CLSTN2: variants seen among roughly 807,000 people sequenced by gnomAD.
CLSTN2 encodes the protein calsyntenin-2.
A neutral mutation model predicts 101.2 loss-of-function variants in CLSTN2; 48 were observed. That is an observed-to-expected ratio of 0.47 (90% CI 0.38 to 0.60). CLSTN2 has a LOEUF of 0.60. Ranked by LOEUF, CLSTN2 falls within the 20% of genes least tolerant of loss-of-function variation. The probability of loss-of-function intolerance (pLI) is 0.00; values close to 1 mark genes in which losing one functional copy is unlikely to be tolerated. For missense variants in CLSTN2, 1,160 were observed against 1,238.2 expected (o/e 0.94, Z 0.95); for synonymous variants, 481 against 463.6 (o/e 1.04, Z -0.48).
intron 6 of CLSTN2, among the ~76,000 whole-genome samples, chr3:140,448,971 A>T (rs1395772006): frequency 1.3e-5 from 2 of 152,174 alleles, no homozygotes; most frequent in African/African-American, 4.8e-5. Flanking sequence ...CTTCTTTGGT[A>T]AAACGGGAAT....
chr3:140,015,771 G>C (rs1473457574), intron 1 of CLSTN2, among the ~76,000 whole-genome samples: 1 of 152,260 alleles, frequency 6.6e-6, no homozygotes, highest in Non-Finnish European at 1.5e-5. Flanking sequence ...TAGAGCAGTT[G>C]CTCTTGTGAT....
intron 1 of CLSTN2, among the ~76,000 whole-genome samples, chr3:139,955,111 G>GATATATATATATATATATAT (rs1560052944): frequency 7.4e-5 from 1 of 13,494 alleles, no homozygotes; most frequent in Non-Finnish European, 1.6e-4. Context: ...TGGCAATATT[G>GATATATATATATATATATAT]CTATATATAT....
At chr3:140,472,880 T>G (rs2108025277) in intron 8 of CLSTN2, among the ~76,000 whole-genome samples, 1 of 152,330 alleles carries the variant, frequency 6.6e-6, no homozygotes, top group African/African-American at 2.4e-5. Flanking sequence ...TATTTCCCCA[T>G]GATATATATG....
intron 2 of CLSTN2, among the ~76,000 whole-genome samples, chr3:140,222,874 G>GGAAAA (rs375172985): frequency 7.0e-6 from 1 of 143,204 alleles, no homozygotes; most frequent in African/African-American, 2.6e-5. Flanking sequence ...AAAATTTTAA[G>GGAAAA]AAAAAAAAAA....
chr3:140,420,273 TGC>T (rs2088485713), intron 4 of CLSTN2, among the ~76,000 whole-genome samples: 2 of 151,478 alleles, frequency 1.3e-5, no homozygotes, highest in Non-Finnish European at 2.9e-5. Context: ...AGTTCTAATT[TGC>T]TGTCAACTCT....
chr3:140,498,347 C>A (rs1934509679), intron 8 of CLSTN2, among the ~76,000 whole-genome samples: 1 of 152,118 alleles, frequency 6.6e-6, no homozygotes, highest in Non-Finnish European at 1.5e-5. Flanking sequence ...AGGGAGCCCC[C>A]CTAATGGAGT....
At chr3:140,253,686 C>T (rs971898085) in intron 2 of CLSTN2, among the ~76,000 whole-genome samples, 7 of 152,110 alleles carry the variant, frequency 4.6e-5, no homozygotes, top group Admixed American at 4.6e-4. Context: ...CTGGGACATA[C>T]CTGGGCCTAA....
chr3:140,177,042 T>C (rs1215802335), intron 2 of CLSTN2, among the ~76,000 whole-genome samples: 1 of 152,192 alleles, frequency 6.6e-6, no homozygotes, highest in Admixed American at 6.5e-5. Context: ...TGGAATATTA[T>C]AAAGCATGGA....
intron 8 of CLSTN2, among the ~76,000 whole-genome samples, chr3:140,499,915 A>C (rs1434988613): frequency 2.0e-5 from 3 of 152,060 alleles, no homozygotes; most frequent in African/African-American, 4.8e-5. Context: ...AATACAAAAA[A>C]AATTAGCCGG....
intron 2 of CLSTN2, among the ~76,000 whole-genome samples, chr3:140,266,905 G>A (rs1408596047): frequency 6.6e-6 from 1 of 152,178 alleles, no homozygotes; most frequent in Non-Finnish European, 1.5e-5. Context: ...CTGGTTGTTA[G>A]TTGTTGTCTG....
chr3:140,013,643 A>T (rs1176209029), intron 1 of CLSTN2, among the ~76,000 whole-genome samples: 1 of 152,244 alleles, frequency 6.6e-6, no homozygotes, highest in Admixed American at 6.5e-5. Flanking sequence ...GTTTTAATTT[A>T]AGAAAATCAA....
intron 4 of CLSTN2, among the ~76,000 whole-genome samples, chr3:140,415,486 CA>C (rs751616049): frequency 0.34 from 19,668 of 57,388 alleles, 1,041 homozygotes; most frequent in Middle Eastern, 0.45. Flanking sequence ...CACAAAATAG[CA>C]AAAAAAAAAA....
chr3:140,209,115 T>A (rs2010821970), intron 2 of CLSTN2, among the ~76,000 whole-genome samples: 1 of 152,368 alleles, frequency 6.6e-6, no homozygotes, highest in South Asian at 2.1e-4. Context: ...CCACTCATCT[T>A]GCTCTCAGAT....
At chr3:140,071,309 A>C (rs181795874) in intron 1 of CLSTN2, among the ~76,000 whole-genome samples, 2 of 152,314 alleles carry the variant, frequency 1.3e-5, no homozygotes, top group Non-Finnish European at 2.9e-5. Flanking sequence ...TAAAATCACA[A>C]AAAGGTTACA....
At chr3:140,507,134 A>C (rs1042930798) in intron 8 of CLSTN2, 1 of 152,160 alleles carries the variant, frequency 6.6e-6, no homozygotes, top group Non-Finnish European at 1.5e-5. Context: ...AGAACCATGT[A>C]AGTATTATAA....
chr3:140,433,960 A>G (rs1292744506), intron 5 of CLSTN2, among the ~76,000 whole-genome samples: 1 of 152,154 alleles, frequency 6.6e-6, no homozygotes, highest in African/African-American at 2.4e-5. Context: ...GTGCAGGTTG[A>G]TAACATGTGT....
At chr3:140,460,396 C>T (rs1192561724) in intron 7 of CLSTN2, 3 of 156,132 alleles carry the variant, frequency 1.9e-5, no homozygotes, top group East Asian at 3.8e-4. Flanking sequence ...GTGAATGGGA[C>T]GTTATAGTAG....
intron 8 of CLSTN2, among the ~76,000 whole-genome samples, chr3:140,509,698 G>T (rs1934770483): frequency 1.3e-5 from 2 of 152,284 alleles, no homozygotes; most frequent in Middle Eastern, 3.4e-3. Context: ...CCAGGCTCCT[G>T]CAGGAGACAG....
chr3:139,985,360 C>A (rs978973006), intron 1 of CLSTN2, among the ~76,000 whole-genome samples: 5 of 152,090 alleles, frequency 3.3e-5, no homozygotes, highest in Non-Finnish European at 7.4e-5. Flanking sequence ...CCAAATAAAG[C>A]GGTGTGAAAC....
Sources: allele counts gnomAD v4.1 joint callset (sites outside exome capture counted in the v4.1 genomes callset), GRCh38; gene constraint gnomAD v4.1.1; transcripts MANE v1.5; gene names NCBI Gene and HGNC (gene_info 2026-07-23, HGNC 2026-07-21).